Variants in PLCXD3 observed in about 807,000 individuals in gnomAD.
The protein encoded by PLCXD3 is phosphatidylinositol specific phospholipase C X domain containing 3, also known as PI-PLC X domain-containing protein 3.
In PLCXD3, 19 loss-of-function variants were observed where a neutral mutation model predicts 25.5. That is an observed-to-expected ratio of 0.75 (90% CI 0.52 to 1.09). PLCXD3 has a LOEUF of 1.09. Among genes scored for constraint, PLCXD3 ranks in the 50% least tolerant of loss-of-function variants. The pLI is 0.00. For missense variants in PLCXD3, 411 were observed against 388.1 expected (o/e 1.06, Z -0.50); for synonymous variants, 174 against 137.6 (o/e 1.26, Z -1.85).
At chr5:41,486,257 G>A (rs1031800051) in intron 1 of PLCXD3, among the ~76,000 whole-genome samples, 1 of 151,734 alleles carries the variant, frequency 6.6e-6, no homozygotes, top group Non-Finnish European at 1.5e-5. Flanking sequence ...TATTATCTCT[G>A]TCAATATATA....
At chr5:41,401,399 G>C (rs888901586) in intron 1 of PLCXD3, among the ~76,000 whole-genome samples, 8 of 152,034 alleles carry the variant, frequency 5.3e-5, no homozygotes, top group African/African-American at 1.9e-4. Context: ...CGATATAAGA[G>C]TCAAAAGTTA....
intron 1 of PLCXD3, among the ~76,000 whole-genome samples, chr5:41,498,553 A>G (rs540246299): frequency 4.1e-4 from 62 of 151,828 alleles, no homozygotes; most frequent in African/African-American, 1.4e-3. Flanking sequence ...AAAGCCCAGA[A>G]CCAGATGGTT....
At chr5:41,345,004 T>C (rs1254321679) in intron 2 of PLCXD3, among the ~76,000 whole-genome samples, 1 of 152,148 alleles carries the variant, frequency 6.6e-6, no homozygotes, top group Non-Finnish European at 1.5e-5. Context: ...AATAAAAGCA[T>C]AATTACAAAC....
At chr5:41,422,403 T>G (rs1329542949) in intron 1 of PLCXD3, among the ~76,000 whole-genome samples, 2 of 152,200 alleles carry the variant, frequency 1.3e-5, no homozygotes, top group Non-Finnish European at 2.9e-5. Context: ...CTTGGGAAAT[T>G]TATCAACCAC....
At chr5:41,387,350 A>T (rs1370689433) in intron 1 of PLCXD3, among the ~76,000 whole-genome samples, 3 of 152,114 alleles carry the variant, frequency 2.0e-5, no homozygotes, top group Non-Finnish European at 4.4e-5. Flanking sequence ...ATTCATATCC[A>T]TCGTCCTTAT....
At chr5:41,473,211 C>T (rs1372736421) in intron 1 of PLCXD3, among the ~76,000 whole-genome samples, 1 of 151,978 alleles carries the variant, frequency 6.6e-6, no homozygotes, top group African/African-American at 2.4e-5. Context: ...TGAGGATTAA[C>T]AGTATTTCAA....
At chr5:41,452,638 GC>G (rs1747662180) in intron 1 of PLCXD3, among the ~76,000 whole-genome samples, 1 of 151,996 alleles carries the variant, frequency 6.6e-6, no homozygotes, top group African/African-American at 2.4e-5. Context: ...CACTCAAGTT[GC>G]CCCTCTGCAC....
At chr5:41,445,387 T>C (rs1169431907) in intron 1 of PLCXD3, among the ~76,000 whole-genome samples, 2 of 152,256 alleles carry the variant, frequency 1.3e-5, no homozygotes, top group African/African-American at 4.8e-5. Context: ...TACCACCTTT[T>C]ACTCAGTGAG....
chr5:41,378,712 T>C (rs1745368077), intron 2 of PLCXD3, among the ~76,000 whole-genome samples: 1 of 152,100 alleles, frequency 6.6e-6, no homozygotes, highest in Admixed American at 6.6e-5. Flanking sequence ...TCCTTAGGCA[T>C]TTTACATGCT....
chr5:41,493,528 C>T (rs775382739), intron 1 of PLCXD3, among the ~76,000 whole-genome samples: 2 of 152,236 alleles, frequency 1.3e-5, no homozygotes, highest in Non-Finnish European at 2.9e-5. Context: ...CTGTGCCTTG[C>T]CCCCAGAGGT....
chr5:41,435,272 C>T (rs985020120), intron 1 of PLCXD3, among the ~76,000 whole-genome samples: 2 of 152,192 alleles, frequency 1.3e-5, no homozygotes, highest in African/African-American at 4.8e-5. Flanking sequence ...TATGGTTCTA[C>T]CACAATTTGT....
At chr5:41,439,298 T>A (rs543222676) in intron 1 of PLCXD3, among the ~76,000 whole-genome samples, 2 of 152,338 alleles carry the variant, frequency 1.3e-5, no homozygotes, top group East Asian at 3.9e-4. Context: ...AACATTTATT[T>A]TTCTCCTTCC....
At chr5:41,425,591 A>ACTTTTGTATCATAGG (rs1746937300) in intron 1 of PLCXD3, among the ~76,000 whole-genome samples, 1 of 152,198 alleles carries the variant, frequency 6.6e-6, no homozygotes, top group Non-Finnish European at 1.5e-5. Flanking sequence ...TATCATACAG[A>ACTTTTGTATCATAGG]GTAGTTTTAC....
At chr5:41,470,287 A>T (rs1474243177) in intron 1 of PLCXD3, among the ~76,000 whole-genome samples, 2 of 152,216 alleles carry the variant, frequency 1.3e-5, no homozygotes, top group Non-Finnish European at 2.9e-5. Flanking sequence ...AATGACTTAG[A>T]AGAGCAGTAG....
At chr5:41,327,908 C>T (rs536529447) in intron 2 of PLCXD3, among the ~76,000 whole-genome samples, 221 of 152,264 alleles carry the variant, frequency 1.5e-3, no homozygotes, top group Admixed American at 2.8e-3. Flanking sequence ...CGGACTCAAG[C>T]GATCCTCCTG....
At chr5:41,319,496 C>G (rs150506472) in intron 2 of PLCXD3, among the ~76,000 whole-genome samples, 1 of 151,988 alleles carries the variant, frequency 6.6e-6, no homozygotes, top group Non-Finnish European at 1.5e-5. Flanking sequence ...TTAAACAGTA[C>G]GCTCCTGAAT....
chr5:41,324,245 A>T (rs527903534), intron 2 of PLCXD3, among the ~76,000 whole-genome samples: 2 of 152,330 alleles, frequency 1.3e-5, no homozygotes, highest in Admixed American at 1.3e-4. Context: ...TTGGAAACTA[A>T]GAAGAGCTGA....
At chr5:41,370,958 C>T (rs1745077312) in intron 2 of PLCXD3, among the ~76,000 whole-genome samples, 1 of 152,130 alleles carries the variant, frequency 6.6e-6, no homozygotes, top group Non-Finnish European at 1.5e-5. Context: ...CCCTTCTCTC[C>T]ATCATCTGGG....
intron 1 of PLCXD3, among the ~76,000 whole-genome samples, chr5:41,444,145 T>C (rs1488607446): frequency 2.0e-5 from 3 of 152,164 alleles, no homozygotes; most frequent in Admixed American, 2.0e-4. Context: ...ATCATATTTC[T>C]CACAGAATAG....
Sources: allele counts gnomAD v4.1 joint callset (sites outside exome capture counted in the v4.1 genomes callset), GRCh38; gene constraint gnomAD v4.1.1; transcripts MANE v1.5; gene names NCBI Gene and HGNC (gene_info 2026-07-23, HGNC 2026-07-21).